Variants in ITPRID1 observed in about 807,000 individuals in gnomAD.
The protein encoded by ITPRID1 is protein ITPRID1.
A neutral mutation model predicts 95.4 loss-of-function variants in ITPRID1; 96 were observed. That is an observed-to-expected ratio of 1.01 (90% CI 0.85 to 1.19). The LOEUF is 1.19. Ranked by LOEUF, ITPRID1 falls within the 50% of genes most tolerant of loss-of-function variation. The probability of loss-of-function intolerance (pLI) is 0.00; values close to 1 mark genes in which losing one functional copy is unlikely to be tolerated. For missense variants in ITPRID1, 1,339 were observed against 1,252.9 expected (o/e 1.07, Z -1.04); for synonymous variants, 510 against 453.6 (o/e 1.12, Z -1.58).
At chr7:31,629,194 A>G (rs763555977) in intron 10 of ITPRID1, among the ~76,000 whole-genome samples, 1 of 152,234 alleles carries the variant, frequency 6.6e-6, no homozygotes, top group Non-Finnish European at 1.5e-5. Flanking sequence ...CACATTTGCT[A>G]TTCAAAATCG....
At chr7:31,579,553 T>C (rs1679427819) in intron 9 of ITPRID1, among the ~76,000 whole-genome samples, 1 of 152,038 alleles carries the variant, frequency 6.6e-6, no homozygotes, top group Non-Finnish European at 1.5e-5. Flanking sequence ...TATACAGACA[T>C]ATTTTCGGGT....
chr7:31,561,048 G>T (rs1784606220), intron 5 of ITPRID1, among the ~76,000 whole-genome samples: 1 of 152,126 alleles, frequency 6.6e-6, no homozygotes, highest in South Asian at 2.1e-4. Context: ...CGGTGGGAAT[G>T]ATCAACCCCA....
intron 11 of ITPRID1, 83 bp downstream of exon 11, chr7:31,642,341 C>T (rs1790099883): frequency 1.1e-6 from 1 of 918,460 alleles, no homozygotes; most frequent in South Asian, 1.7e-5. Flanking sequence ...ACCCAAACCT[C>T]ACTCACAGCT....
intron 8 of ITPRID1, among the ~76,000 whole-genome samples, chr7:31,575,534 A>T (rs114959884): frequency 6.6e-6 from 1 of 152,140 alleles, no homozygotes; most frequent in African/African-American, 2.4e-5. Context: ...TAATAGGTTT[A>T]TTTACTGCAG....
chr7:31,651,503 T>C (rs1225498888), intron 13 of ITPRID1, among the ~76,000 whole-genome samples: 2 of 152,150 alleles, frequency 1.3e-5, no homozygotes, highest in African/African-American at 4.8e-5. Context: ...GTCAGGGGCA[T>C]TGACAGCAGG....
At chr7:31,531,445 G>A (rs1247410901) in intron 1 of ITPRID1, among the ~76,000 whole-genome samples, 3 of 152,116 alleles carry the variant, frequency 2.0e-5, no homozygotes, top group Non-Finnish European at 2.9e-5. Context: ...CGTTGTTATC[G>A]TTTCTTTCTA....
Position 31,656,058 on chromosome 7 carries a change from T to C in ITPRID1, c.*3229T>C. On this transcript the variant is annotated 3_prime_UTR_variant, in exon 15 of 15. Transcript: ENST00000615280. ...CCAGTAAGTCCTAGGGCAGACCCCA[T>C]CTCCTACACAGGCTTTCCTTGATGA... is the stretch of plus-strand genomic sequence containing the variant. The C allele has an allele frequency of 1.0e-6, 1 of 966,436 alleles. No homozygotes were observed. The highest frequency in any genetic ancestry group is 1.2e-6 in the Non-Finnish European group (1 of 812,654). 59.9% of individuals were successfully genotyped at this position (966,436 alleles called of 1,614,324 possible).
chr7:31,632,659 G>A (rs1323814002), intron 10 of ITPRID1, among the ~76,000 whole-genome samples: 3 of 152,128 alleles, frequency 2.0e-5, no homozygotes, highest in Admixed American at 2.0e-4. Context: ...TAGGCTGTGT[G>A]TATGGAAGTG....
chr7:31,577,839 T>G (rs767059400), intron 8 of ITPRID1, 24 bp from the exon 9 acceptor site: 7 of 1,531,846 alleles, frequency 4.6e-6, no homozygotes, highest in Non-Finnish European at 6.1e-6. Context: ...AATCTGAAAC[T>G]TTCGTGTTTC....
chr7:31,639,544 T>TTG (rs1554298222), intron 10 of ITPRID1, among the ~76,000 whole-genome samples: 1,915 of 135,154 alleles, frequency 0.014, 42 homozygotes, highest in African/African-American at 0.044. Flanking sequence ...TTTTGTTTTT[T>TTG]TTTTTTTTTT....
At chr7:31,583,452 C>G (rs1785479200) in intron 10 of ITPRID1, among the ~76,000 whole-genome samples, 1 of 152,058 alleles carries the variant, frequency 6.6e-6, no homozygotes. Flanking sequence ...CTGGCAAAAC[C>G]TCATTTCTAC....
intron 10 of ITPRID1, among the ~76,000 whole-genome samples, chr7:31,613,543 A>G (rs10273624): frequency 0.043 from 6,514 of 152,164 alleles, 423 homozygotes; most frequent in African/African-American, 0.14. Flanking sequence ...TTTAGAGTCT[A>G]TATTTGCTCT....
chr7:31,624,743 A>G (rs1237113859), intron 10 of ITPRID1, among the ~76,000 whole-genome samples: 3 of 151,796 alleles, frequency 2.0e-5, no homozygotes, highest in African/African-American at 7.2e-5. Flanking sequence ...CACCAAAAGC[A>G]ATGGCAACAA....
chr7:31,538,719 G>C (rs990956214), intron 1 of ITPRID1, among the ~76,000 whole-genome samples: 1 of 152,194 alleles, frequency 6.6e-6, no homozygotes, highest in East Asian at 1.9e-4. Context: ...TTCTGAGTGT[G>C]TCATATCAGG....
chr7:31,529,290 T>C lies in ITPRID1; in HGVS notation c.-98+15170T>C, dbSNP rs571263723. Among the ~76,000 whole-genome samples, 125 of 152,310 alleles carry C rather than the reference T, an allele frequency of 8.2e-4. 3 individuals are homozygous for C. Among genetic ancestry groups the C allele is most frequent in the Middle Eastern group, 3.4e-3 (1 of 294 alleles). The stretch of plus-strand genomic sequence containing the variant: ...ATGGTTTGCAATGCAAATCATTGGG[T>C]TGGTAACACACAGTGTCATAACCAT... On this transcript the variant is annotated intron_variant, in intron 1 of 14. Transcript: ENST00000615280.
intron 1 of ITPRID1, among the ~76,000 whole-genome samples, chr7:31,515,480 CAGG>C (rs1783014890): frequency 6.6e-6 from 1 of 152,134 alleles, no homozygotes; most frequent in South Asian, 2.1e-4. Context: ...GAGGCTGAGA[CAGG>C]AGAATCGCTT....
intron 1 of ITPRID1, among the ~76,000 whole-genome samples, chr7:31,532,217 A>T (rs911859162): frequency 6.6e-6 from 1 of 152,216 alleles, no homozygotes; most frequent in Non-Finnish European, 1.5e-5. Context: ...TTATAGTAAC[A>T]GTTTTAATAT....
At chr7:31,633,209 G>T (rs893530338) in intron 10 of ITPRID1, among the ~76,000 whole-genome samples, 2 of 152,134 alleles carry the variant, frequency 1.3e-5, no homozygotes, top group African/African-American at 4.8e-5. Flanking sequence ...TTACGCTGAG[G>T]AGAAAGGCCT....
At chr7:31,543,280 A>G (rs1022049882) in intron 1 of ITPRID1, among the ~76,000 whole-genome samples, 2 of 152,110 alleles carry the variant, frequency 1.3e-5, no homozygotes, top group Non-Finnish European at 2.9e-5. Flanking sequence ...CTGTTTTCCC[A>G]AGGAGTCCCA....
Sources: allele counts gnomAD v4.1 joint callset (sites outside exome capture counted in the v4.1 genomes callset), GRCh38; gene constraint gnomAD v4.1.1; transcripts MANE v1.5; gene names NCBI Gene and HGNC (gene_info 2026-07-23, HGNC 2026-07-21).